Variants in ZNF654 observed in about 807,000 individuals in gnomAD.
ZNF654 encodes melanoma-associated antigen.
A neutral mutation model predicts 95.3 loss-of-function variants in ZNF654; 19 were observed. The observed-to-expected ratio is 0.20, with a 90% CI of 0.14 to 0.29. ZNF654 has a LOEUF of 0.29. Ranked by LOEUF, ZNF654 falls within the 10% of genes least tolerant of loss-of-function variation. The pLI is 1.00. For missense variants in ZNF654, 1,046 were observed against 1,341.0 expected (o/e 0.78, Z 3.44); for synonymous variants, 413 against 457.9 (o/e 0.90, Z 1.25).
intron 2 of ZNF654, among the ~76,000 whole-genome samples, chr3:88,109,248 A>G (rs1417633206): frequency 6.6e-6 from 1 of 151,730 alleles, no homozygotes; most frequent in African/African-American, 2.4e-5. Context: ...TTTGAAGATT[A>G]AGTGCATTAG....
intron 3 of ZNF654, among the ~76,000 whole-genome samples, chr3:88,122,403 G>A (rs1705823650): frequency 6.6e-6 from 1 of 152,168 alleles, no homozygotes. Context: ...GACCAATTAT[G>A]TAGAATGGCC....
Position 88,086,667 on chromosome 3 carries a change from TG to T in ZNF654, c.332+266del, listed in dbSNP as rs200849112. On this transcript the variant is annotated intron_variant, in intron 2 of 8. Transcript: ENST00000636215. ...TACTTTCCTTTTTAATTCTCCAGAT[TG>T]CCTTGGGAAGCTCTAATGGTAAGTC... 1.6e-4 allele frequency among the ~76,000 whole-genome samples: 25 copies of T among 152,340 alleles called. No individual in the cohort carries two copies. In the East Asian group the frequency reaches 4.8e-3, roughly 29 times the overall value.
chr3:88,137,194 C>CAAAAAA (rs11401199), intron 7 of ZNF654, among the ~76,000 whole-genome samples: 2 of 70,748 alleles, frequency 2.8e-5, no homozygotes, highest in African/African-American at 6.4e-5. Flanking sequence ...GACTCTGTCT[C>CAAAAAA]AAAAAAAAAA....
In ZNF654 at chr3:88,140,190, A is replaced by T; in HGVS notation, c.2521A>T (p.Ile841Leu). The T allele has an allele frequency of 6.2e-7, 1 of 1,613,836 alleles. No individual in the cohort carries two copies. The highest frequency in any genetic ancestry group is 8.5e-7 in the Non-Finnish European group (1 of 1,179,760). ...QLAQHTKSHR[I>L]FQAQCSFPEC... ...TGCCCAGCACACAAAAAGTCACAGG[A>T]TATTTCAGGCTCAGTGTAGTTTTCC... The change falls in exon 8 of 9, where the codon ATA (isoleucine) becomes TTA (leucine). Residue 841 changes from isoleucine to leucine, a missense_variant. By Grantham distance (5) the Ile-to-Leu change is conservative (BLOSUM62 2). Coordinates refer to ENST00000636215, the MANE Select transcript of ZNF654 (RefSeq NM_001350134.2).
At chr3:88,129,617 A>G in intron 5 of ZNF654, 70 bp from the exon 6 acceptor site, 2 of 1,194,166 alleles carry the variant, frequency 1.7e-6, no homozygotes, top group Non-Finnish European at 2.2e-6. Context: ...TTGAATGTTT[A>G]AACATTTATT....
At chr3:88,109,149 G>GTGTGTGTA (rs1704933997) in intron 2 of ZNF654, among the ~76,000 whole-genome samples, 1 of 147,662 alleles carries the variant, frequency 6.8e-6, no homozygotes, top group Non-Finnish European at 1.5e-5. Flanking sequence ...ACTAGTGTGT[G>GTGTGTGTA]TGTGTGTGTG....
chr3:88,116,586 A>G (rs1705417265), intron 3 of ZNF654, among the ~76,000 whole-genome samples: 1 of 150,790 alleles, frequency 6.6e-6, no homozygotes, highest in African/African-American at 2.4e-5. Context: ...ACATGCACAT[A>G]TATTATATAT....
chr3:88,142,867 A>T lies in ZNF654; in HGVS notation c.*1215A>T, dbSNP rs1231620048. On this transcript the variant is annotated 3_prime_UTR_variant, in exon 9 of 9. Transcript: ENST00000636215. ...CCTTAGTGATGTTATTTTCCTAAGA[A>T]GATTTTAACTTAATAAAGTGTTAAA... is the stretch of plus-strand genomic sequence containing the variant. The T allele has an allele frequency of 6.6e-6, 1 of 152,302 alleles. No individual in the cohort carries two copies. Among genetic ancestry groups the T allele is most frequent in the Non-Finnish European group, 1.5e-5 (1 of 67,792 alleles). The allele number at this position is 152,302 out of a possible 1,614,324, so 9.4% of individuals were successfully genotyped here.
At chr3:88,111,556 ATT>A (rs1705090671) in intron 2 of ZNF654, among the ~76,000 whole-genome samples, 2 of 151,932 alleles carry the variant, frequency 1.3e-5, no homozygotes, top group African/African-American at 2.4e-5. Flanking sequence ...TTTGTATTAT[ATT>A]TCATTGTATG....
intron 1 of ZNF654, among the ~76,000 whole-genome samples, chr3:88,075,184 A>G (rs1180208937): frequency 6.6e-6 from 1 of 152,186 alleles, no homozygotes; most frequent in African/African-American, 2.4e-5. Context: ...CTTGTGCTGA[A>G]CTAAGTGTGG....
rs1321660428 is a variant in ZNF654, at chr3:88,144,455, T to A, written c.*2803T>A. 1 of 152,420 alleles carries A rather than the reference T, an allele frequency of 6.6e-6. No homozygotes were observed. The highest frequency in any genetic ancestry group is 1.5e-5 in the Non-Finnish European group (1 of 67,882). 9.4% of individuals were successfully genotyped at this position (152,420 alleles called of 1,614,324 possible). A position where few individuals can be genotyped will look rare whatever the true frequency, so the allele number is the denominator to read the frequency against. On this transcript the variant is annotated 3_prime_UTR_variant, in exon 9 of 9. Transcript: ENST00000636215. ...AAATGCTGCATATGCATTTTGGAGT[T>A]GTTAATATGTGAAAGATATTACAGA...
chr3:88,113,261 A>G (rs1705200455), intron 3 of ZNF654, 65 bp downstream of exon 3: 21 of 963,370 alleles, frequency 2.2e-5, no homozygotes, highest in Non-Finnish European at 3.2e-5. Flanking sequence ...GCTCCCCCTA[A>G]ATATAGCTTA....
intron 1 of ZNF654, 110 bp from the exon 2 acceptor site, chr3:88,086,146 TG>T (rs1708325830): frequency 1.1e-6 from 1 of 911,626 alleles, no homozygotes; most frequent in Non-Finnish European, 1.6e-6. Flanking sequence ...CAGTCACCTG[TG>T]TTCATGCCGA....
chr3:88,125,879 C>T (rs937470391), intron 3 of ZNF654, among the ~76,000 whole-genome samples: 3 of 152,102 alleles, frequency 2.0e-5, no homozygotes, highest in African/African-American at 7.2e-5. Context: ...ATGATGTGTC[C>T]TTTAGGTTAC....
intron 1 of ZNF654, among the ~76,000 whole-genome samples, chr3:88,077,364 C>G (rs1376670450): frequency 6.9e-6 from 1 of 145,910 alleles, no homozygotes; most frequent in Non-Finnish European, 1.5e-5. Context: ...GACGGAGTCT[C>G]GCTCTGTTGC....
intron 1 of ZNF654, among the ~76,000 whole-genome samples, chr3:88,074,645 TCTTA>T (rs1265379212): frequency 2.6e-5 from 4 of 152,154 alleles, no homozygotes; most frequent in Non-Finnish European, 5.9e-5. Context: ...CCGGCCTGTG[TCTTA>T]CTTTCTTAAG....
chr3:88,130,227 T>C (rs1706363703), intron 6 of ZNF654, among the ~76,000 whole-genome samples: 1 of 152,136 alleles, frequency 6.6e-6, no homozygotes, highest in South Asian at 2.1e-4. Flanking sequence ...ATTAAGAATT[T>C]CTGTTTCCTC....
chr3:88,125,925 A>T (rs1054716544), intron 3 of ZNF654, among the ~76,000 whole-genome samples: 1 of 152,212 alleles, frequency 6.6e-6, no homozygotes, highest in Non-Finnish European at 1.5e-5. Context: ...AAGTCCAGTT[A>T]TACAGATACT....
intron 3 of ZNF654, among the ~76,000 whole-genome samples, chr3:88,114,577 G>A (rs1164492081): frequency 4.6e-5 from 7 of 151,912 alleles, no homozygotes; most frequent in Non-Finnish European, 8.8e-5. Flanking sequence ...TATACTACCT[G>A]CCTCCCCCAG....
Sources: gnomAD v4.1 joint callset for allele counts (sites outside exome capture counted in the v4.1 genomes callset) on GRCh38, gnomAD v4.1.1 for gene constraint, MANE v1.5 for transcripts, NCBI Gene and HGNC (gene_info 2026-07-23, HGNC 2026-07-21) for gene names.